Variants in CDH13 observed in about 807,000 individuals in gnomAD.
The protein encoded by CDH13 is cadherin 13.
In CDH13, 24 loss-of-function variants were observed where a neutral mutation model predicts 63.8. That is an observed-to-expected ratio of 0.38 (90% CI 0.27 to 0.53). CDH13 has a LOEUF of 0.53. Ranked by LOEUF, CDH13 falls within the 20% of genes least tolerant of loss-of-function variation. The probability of loss-of-function intolerance (pLI) is 0.85; values close to 1 mark genes in which losing one functional copy is unlikely to be tolerated. For missense variants in CDH13, 1,049 were observed against 903.1 expected (o/e 1.16, Z -2.07); for synonymous variants, 503 against 355.3 (o/e 1.42, Z -4.67).
chr16:83,644,012 T>G (rs1439220227), intron 8 of CDH13, among the ~76,000 whole-genome samples: 1 of 152,196 alleles, frequency 6.6e-6, no homozygotes, highest in Non-Finnish European at 1.5e-5. Context: ...TAACATAAGC[T>G]GTAACGAGGG....
chr16:83,051,786 G>A (rs1032170681), intron 3 of CDH13, among the ~76,000 whole-genome samples: 13 of 149,600 alleles, frequency 8.7e-5, no homozygotes, highest in Admixed American at 5.9e-4. Flanking sequence ...ATTATTTGTT[G>A]TCTTATGAAG....
At chr16:83,388,262 C>T (rs990576512) in intron 6 of CDH13, among the ~76,000 whole-genome samples, 3 of 138,976 alleles carry the variant, frequency 2.2e-5, no homozygotes, top group African/African-American at 8.1e-5. Context: ...GCCTGGGCAA[C>T]ATGGAATAAC....
intron 3 of CDH13, among the ~76,000 whole-genome samples, chr16:83,041,643 C>T (rs577038875): frequency 2.6e-5 from 4 of 152,268 alleles, no homozygotes; most frequent in Admixed American, 6.5e-5. Context: ...CCTGTTTCTA[C>T]ACACATACAT....
At chr16:83,153,155 T>C (rs1034252106) in intron 4 of CDH13, among the ~76,000 whole-genome samples, 1 of 152,112 alleles carries the variant, frequency 6.6e-6, no homozygotes, top group Non-Finnish European at 1.5e-5. Flanking sequence ...CCTGAGCATT[T>C]GGGGATCAGA....
At chr16:82,891,464 A>T (rs1291363057) in intron 2 of CDH13, among the ~76,000 whole-genome samples, 1 of 152,170 alleles carries the variant, frequency 6.6e-6, no homozygotes, top group Admixed American at 6.5e-5. Context: ...AACTCAACAC[A>T]TTGTTGAAAA....
chr16:82,734,616 A>G (rs2033575731), intron 1 of CDH13, among the ~76,000 whole-genome samples: 1 of 152,194 alleles, frequency 6.6e-6, no homozygotes, highest in Non-Finnish European at 1.5e-5. Context: ...TTTAGCATTC[A>G]GGGCCAACAC....
chr16:83,610,200 T>G (rs1027496943), intron 8 of CDH13, among the ~76,000 whole-genome samples: 2 of 152,180 alleles, frequency 1.3e-5, no homozygotes, highest in African/African-American at 4.8e-5. Context: ...CATTAAGTCT[T>G]TATCTGCGTT....
intron 4 of CDH13, among the ~76,000 whole-genome samples, chr16:83,161,029 C>G (rs1161336571): frequency 6.6e-6 from 1 of 152,176 alleles, no homozygotes; most frequent in African/African-American, 2.4e-5. Context: ...ATGAGGCATT[C>G]TTATTGCATC....
chr16:83,551,054 T>TTGTC (rs1412905731), intron 7 of CDH13, among the ~76,000 whole-genome samples: 52 of 11,288 alleles, frequency 4.6e-3, no homozygotes, highest in Non-Finnish European at 0.01. Flanking sequence ...CTTAAGTCAT[T>TTGTC]TATATCTATC....
At chr16:83,117,568 T>A (rs2151631614) in intron 3 of CDH13, among the ~76,000 whole-genome samples, 1 of 152,208 alleles carries the variant, frequency 6.6e-6, no homozygotes, top group East Asian at 1.9e-4. Flanking sequence ...TGAAGCTTCA[T>A]GAGGGCACTT....
At position 83,696,523 on chromosome 16, in the gene CDH13, G is replaced by A. The variant is rs1472217667; in HGVS notation, c.1538+18062G>A. Among the ~76,000 whole-genome samples the A allele has an allele frequency of 2.0e-5, 3 of 152,158 alleles. No homozygotes were observed. In the South Asian group the frequency reaches 6.2e-4, roughly 31 times the overall value. Reference sequence around the variant, plus strand: ...CCCACCAGGGAGTTCACTGGGAGTGGGGACTTGGCAGCTGCCAGGGAGAAT... The same window carrying A: ...CCCACCAGGGAGTTCACTGGGAGTGAGGACTTGGCAGCTGCCAGGGAGAAT... On this transcript the variant is annotated intron_variant, in intron 10 of 13. Coordinates refer to ENST00000567109, the MANE Select transcript of CDH13 (RefSeq NM_001257.5).
chr16:83,436,265 A>G (rs76304136), intron 6 of CDH13, among the ~76,000 whole-genome samples: 1 of 152,208 alleles, frequency 6.6e-6, no homozygotes, highest in African/African-American at 2.4e-5. Context: ...ATTCTGGGGC[A>G]ATTTCGCTAC....
intron 1 of CDH13, among the ~76,000 whole-genome samples, chr16:82,689,706 C>T (rs947898718): frequency 2.0e-5 from 3 of 151,968 alleles, no homozygotes; most frequent in African/African-American, 7.3e-5. Flanking sequence ...TAAAGGGACT[C>T]CTGTCCTCAG....
At chr16:82,853,588 G>T (rs947618515) in intron 1 of CDH13, among the ~76,000 whole-genome samples, 4 of 152,194 alleles carry the variant, frequency 2.6e-5, no homozygotes, top group Non-Finnish European at 5.9e-5. Flanking sequence ...GCTGGTAAAC[G>T]AGATTCACAC....
intron 6 of CDH13, among the ~76,000 whole-genome samples, chr16:83,400,122 G>GTT (rs35354268): frequency 5.4e-5 from 8 of 147,222 alleles, no homozygotes; most frequent in African/African-American, 7.5e-5. Context: ...ATTCTGATGG[G>GTT]TTTTTTTTTT....
chr16:82,931,131 T>C (rs557286377), intron 2 of CDH13, among the ~76,000 whole-genome samples: 2 of 152,338 alleles, frequency 1.3e-5, no homozygotes, highest in Admixed American at 6.5e-5. Flanking sequence ...TAATTACATG[T>C]GTGACTCTGC....
intron 2 of CDH13, among the ~76,000 whole-genome samples, chr16:82,937,027 G>T (rs935622330): frequency 6.6e-6 from 1 of 152,136 alleles, no homozygotes; most frequent in Non-Finnish European, 1.5e-5. Flanking sequence ...CTGGTGTTTA[G>T]GTTCTTGTCA....
chr16:83,189,670 G>C (rs558025398), intron 4 of CDH13, among the ~76,000 whole-genome samples: 6 of 152,286 alleles, frequency 3.9e-5, no homozygotes, highest in African/African-American at 1.4e-4. Context: ...TCCTGCCACA[G>C]ACACTTGGTC....
At chr16:83,710,952 G>T (rs1247524215) in intron 10 of CDH13, among the ~76,000 whole-genome samples, 13 of 152,212 alleles carry the variant, frequency 8.5e-5, no homozygotes. Flanking sequence ...GAACTACGAT[G>T]AATGTTAGCA....
Sources: gnomAD v4.1 joint callset for allele counts (sites outside exome capture counted in the v4.1 genomes callset) on GRCh38, gnomAD v4.1.1 for gene constraint, MANE v1.5 for transcripts, NCBI Gene and HGNC (gene_info 2026-07-23, HGNC 2026-07-21) for gene names.